Variants in LGALS9C observed in about 807,000 individuals in gnomAD.
LGALS9C encodes the protein galectin 9C.
Under a neutral mutation model 41.3 loss-of-function variants are expected in LGALS9C, and 7 were observed. That is an observed-to-expected ratio of 0.17 (90% CI 0.10 to 0.32). LGALS9C has a LOEUF of 0.32. Among genes scored for constraint, LGALS9C ranks in the 10% least tolerant of loss-of-function variants. The probability of loss-of-function intolerance (pLI) is 1.00; values close to 1 mark genes in which losing one functional copy is unlikely to be tolerated. For synonymous variants in LGALS9C, 44 were observed against 171.0 expected (o/e 0.26, Z 5.80); for missense variants, 102 against 455.2 (o/e 0.22, Z 7.06).
In LGALS9C at chr17:18,492,659, C is replaced by T. The variant is rs201158805; in HGVS notation, c.762-38C>T. ...GATGGGGAGGAAATGGGGCTCAGAA[C>T]TCAGTGGACAAAGGTCCAGGTAGGC... On this transcript the variant is annotated intron_variant, in intron 9 of 10. Transcript: ENST00000328114. 133 of 1,512,374 alleles carry T rather than the reference C, an allele frequency of 8.8e-5. 3 individuals carry two copies. In the African/African-American group the frequency reaches 1.2e-3, roughly 13 times the overall value. The allele number at this position is 1,512,374 out of a possible 1,614,324, so 93.7% of individuals were successfully genotyped here. A position where few individuals can be genotyped will look rare whatever the true frequency, so the allele number is the denominator to read the frequency against.
intron 1 of LGALS9C, among the ~76,000 whole-genome samples, chr17:18,482,539 C>T (rs1421595149): frequency 6.9e-6 from 1 of 144,090 alleles, no homozygotes; most frequent in African/African-American, 2.5e-5. Flanking sequence ...AGGTTTCTGT[C>T]TCATCTTAAA....
chr17:18,478,191 C>A lies in LGALS9C; in HGVS notation c.39+1298C>A, dbSNP rs1397142224. On this transcript the variant is annotated intron_variant, in intron 1 of 10. Transcript: ENST00000328114. Reference sequence around the variant, plus strand: ...CGAGCCTTAGGGTCAGCGTGTGCCACCTTGAGCATGTCACCCCATTTCTGG... The same window carrying A: ...CGAGCCTTAGGGTCAGCGTGTGCCAACTTGAGCATGTCACCCCATTTCTGG... Among the ~76,000 whole-genome samples, 3 of 129,622 alleles carry A rather than the reference C, an allele frequency of 2.3e-5. 1 individual carries two copies. The highest frequency in any genetic ancestry group is 7.5e-5 in the African/African-American group (3 of 39,810). The allele number at this position is 129,622 out of a possible 152,430, so 85.0% of individuals were successfully genotyped here.
At chr17:18,477,934 C>T (rs1797835732) in intron 1 of LGALS9C, among the ~76,000 whole-genome samples, 1 of 126,712 alleles carries the variant, frequency 7.9e-6, no homozygotes, top group African/African-American at 2.6e-5. Flanking sequence ...CAGCAGAGGC[C>T]AGGGTTGGGC....
At chr17:18,480,459 TCTGGGGGGTCGCCCA>T (rs1989351833) in intron 1 of LGALS9C, among the ~76,000 whole-genome samples, 1 of 85,314 alleles carries the variant, frequency 1.2e-5, no homozygotes, top group South Asian at 3.9e-4. Context: ...TGTGGATGTT[TCTGGGGGGTCGCCCA>T]CTGATAACCA....
At position 18,492,653 on chromosome 17, in the gene LGALS9C, T is replaced by A. The variant is rs1280268531; in HGVS notation, c.762-44T>A. 5.3e-6 allele frequency: 8 copies of A among 1,514,278 alleles called. 1 individual carries two copies. In the South Asian group the frequency reaches 9.2e-5, roughly 17 times the overall value. The allele number at this position is 1,514,278 out of a possible 1,614,324, so 93.8% of individuals were successfully genotyped here. A position where few individuals can be genotyped will look rare whatever the true frequency, so the allele number is the denominator to read the frequency against. On this transcript the variant is annotated intron_variant, in intron 9 of 10. Transcript: ENST00000328114. ...GGGGATGATGGGGAGGAAATGGGGCTCAGAACTCAGTGGACAAAGGTCCAG... is the reference window on the plus strand; with the variant it reads ...GGGGATGATGGGGAGGAAATGGGGCACAGAACTCAGTGGACAAAGGTCCAG...
chr17:18,481,514 G>A lies in LGALS9C; in HGVS notation c.40-2361G>A, dbSNP rs1281970014. Among the ~76,000 whole-genome samples the A allele has an allele frequency of 2.4e-5, 3 of 127,588 alleles. 1 individual carries two copies. Among genetic ancestry groups the A allele is most frequent in the East Asian group, 1.9e-4 (1 of 5,144 alleles). The allele number at this position is 127,588 out of a possible 152,430, so 83.7% of individuals were successfully genotyped here. On this transcript the variant is annotated intron_variant, in intron 1 of 10. Coordinates refer to ENST00000328114, the MANE Select transcript of LGALS9C (RefSeq NM_001040078.3). ...GCAAGGGGAAAAATCTTCCACAGAC[G>A]CGTTTCAGGGACAACAGGCTTCCCA...
chr17:18,487,782 T>C, intron 4 of LGALS9C, 25 bp downstream of exon 4: 1 of 1,578,746 alleles, frequency 6.3e-7, no homozygotes, highest in South Asian at 1.1e-5. Context: ...CTGGCACCGG[T>C]CCCAGGGGCT....
rs764611014 is a variant in LGALS9C, at chr17:18,476,906, G to T, written c.39+13G>T. On this transcript the variant is annotated intron_variant, in intron 1 of 10. Coordinates refer to ENST00000328114, the MANE Select transcript of LGALS9C (RefSeq NM_001040078.3). ...CTATCTGAGCCCAGTGAGTTCCGGG[G>T]CCGTGGGCACAGGGCTGCCTCAGCC... 2 of 1,598,840 alleles carry T rather than the reference G, an allele frequency of 1.3e-6. No individual in the cohort carries two copies. Among genetic ancestry groups the T allele is most frequent in the Non-Finnish European group, 8.6e-7 (1 of 1,169,154 alleles).
At position 18,492,734 on chromosome 17, in the gene LGALS9C, T is replaced by C. The variant is rs148104408; in HGVS notation, c.799T>C (p.Phe267Leu). Residue 267 changes from phenylalanine (F) to leucine (L), a missense_variant, in exon 10 of 11, where the codon TTC becomes CTC. Physicochemically the swap from Phe to Leu is conservative, Grantham distance 22. Transcript: ENST00000328114. ...CCTGTGCTCTGGGAGCCACATCGCCTTCCACATGAACCCCCGTTTTGATGA... is the reference window on the plus strand; with the variant it reads ...CCTGTGCTCTGGGAGCCACATCGCCCTCCACATGAACCCCCGTTTTGATGA... ...INLCSGSHIA[F>L]HMNPRFDENA... 84 of 1,492,676 alleles carry C rather than the reference T, an allele frequency of 5.6e-5. 5 individuals carry two copies. The highest frequency in any genetic ancestry group is 7.6e-5 in the Non-Finnish European group (82 of 1,079,702). The allele number at this position is 1,492,676 out of a possible 1,614,324, so 92.5% of individuals were successfully genotyped here.
intron 1 of LGALS9C, among the ~76,000 whole-genome samples, chr17:18,477,830 G>A (rs1159511136): frequency 7.8e-6 from 1 of 128,728 alleles, no homozygotes; most frequent in Admixed American, 7.5e-5. Flanking sequence ...GCTGGAGTGG[G>A]TGGGCTGATG....
intron 4 of LGALS9C, 60 bp downstream of exon 4, chr17:18,487,817 T>C: frequency 6.3e-7 from 1 of 1,581,428 alleles, no homozygotes; most frequent in Non-Finnish European, 8.7e-7. Context: ...AGCGTAGCTG[T>C]GCTTAGGCCC....
At chr17:18,482,528 C>T (rs1377119381) in intron 1 of LGALS9C, among the ~76,000 whole-genome samples, 1 of 141,878 alleles carries the variant, frequency 7.0e-6, no homozygotes, top group Admixed American at 7.0e-5. Flanking sequence ...AAAAAAAATT[C>T]AGGTTTCTGT....
chr17:18,481,049 A>G (rs969938426), intron 1 of LGALS9C, among the ~76,000 whole-genome samples: 10 of 134,340 alleles, frequency 7.4e-5, no homozygotes, highest in African/African-American at 2.5e-4. Context: ...ACTTGAGCAC[A>G]GGAGGTGGAG....
Position 18,487,630 on chromosome 17 carries a change from G to A in LGALS9C, c.334-17G>A, listed in dbSNP as rs376312692. The A allele has an allele frequency of 3.5e-4, 496 of 1,436,744 alleles. 2 individuals are homozygous for A. In the African/African-American group the frequency reaches 4.9e-3, roughly 14 times the overall value. 89.0% of individuals were successfully genotyped at this position (1,436,744 alleles called of 1,614,324 possible). A position where few individuals can be genotyped will look rare whatever the true frequency, so the allele number is the denominator to read the frequency against. ...GCCTGGGGCACCTCCCCCGAAATAC[G>A]TGCTCTCCTCTGGCAGGTGATGGTG... On this transcript the variant is annotated splice_polypyrimidine_tract_variant and intron_variant, in intron 3 of 10. Coordinates refer to ENST00000328114, the MANE Select transcript of LGALS9C (RefSeq NM_001040078.3).
Position 18,476,987 on chromosome 17 carries a change from G to C in LGALS9C, c.39+94G>C. On this transcript the variant is annotated intron_variant, in intron 1 of 10. Transcript: ENST00000328114. ...GCAACTCCTGGGTGGCAGGAGATAG[G>C]GGTGGGGGCATCCCAAAGAGAACAC... 9 of 1,212,436 alleles carry C rather than the reference G, an allele frequency of 7.4e-6. 1 individual carries two copies. The highest frequency in any genetic ancestry group is 1.1e-5 in the Non-Finnish European group (9 of 840,910). The allele number at this position is 1,212,436 out of a possible 1,614,324, so 75.1% of individuals were successfully genotyped here.
intron 1 of LGALS9C, 49 bp downstream of exon 1, chr17:18,476,942 A>G: frequency 1.3e-6 from 2 of 1,500,668 alleles, no homozygotes; most frequent in Non-Finnish European, 1.8e-6. Flanking sequence ...AGGGGGACAC[A>G]GTTCTGGGGC....
In LGALS9C at chr17:18,483,395, A is replaced by T. The variant is rs1267911296; in HGVS notation, c.40-480A>T. 1.2e-4 allele frequency among the ~76,000 whole-genome samples: 14 copies of T among 115,088 alleles called. 3 individuals carry two copies. Among genetic ancestry groups the T allele is most frequent in the Non-Finnish European group, 2.5e-4 (12 of 47,342 alleles). The allele number at this position is 115,088 out of a possible 152,430, so 75.5% of individuals were successfully genotyped here. ...GTGACCCTCTCGGTGGAACCTGCAG[A>T]CCCTTGATGGGCCCCTTTGTTCCCT... On this transcript the variant is annotated intron_variant, in intron 1 of 10. Coordinates refer to ENST00000328114, the MANE Select transcript of LGALS9C (RefSeq NM_001040078.3).
At chr17:18,492,893 C>G (rs554901551) in intron 10 of LGALS9C, 34 bp downstream of exon 10, 1 of 1,430,802 alleles carries the variant, frequency 7.0e-7, no homozygotes, top group East Asian at 2.3e-5. Flanking sequence ...TGAGGAGGCT[C>G]CTATGGGTAC....
chr17:18,483,039 T>C lies in LGALS9C; in HGVS notation c.40-836T>C, dbSNP rs1174050423. 2.4e-5 allele frequency among the ~76,000 whole-genome samples: 3 copies of C among 125,436 alleles called. 1 individual carries two copies. 82.3% of individuals were successfully genotyped at this position (125,436 alleles called of 152,430 possible). ...CTTCCTATTTTACAGATGAGGAAAC[T>C]GAGGCAAAGAGAGGTGAAATAGGCT... On this transcript the variant is annotated intron_variant, in intron 1 of 10. Coordinates refer to ENST00000328114, the MANE Select transcript of LGALS9C (RefSeq NM_001040078.3).
Sources: allele counts gnomAD v4.1 joint callset (sites outside exome capture counted in the v4.1 genomes callset), GRCh38; gene constraint gnomAD v4.1.1; transcripts MANE v1.5; gene names NCBI Gene and HGNC (gene_info 2026-07-23, HGNC 2026-07-21).